SRGAP3: variants seen among roughly 807,000 people sequenced by gnomAD.
SRGAP3 encodes SLIT-ROBO Rho GTPase-activating protein 3.
In SRGAP3, 39 loss-of-function variants were observed where a neutral mutation model predicts 121.1. The observed-to-expected ratio is 0.32, with a 90% confidence interval of 0.25 to 0.42. The LOEUF (loss-of-function observed/expected upper bound fraction) is 0.42, where lower values mean the gene tolerates loss of function less well. Among genes scored for constraint, SRGAP3 ranks in the 10% least tolerant of loss-of-function variants. SRGAP3 has a pLI of 1.00. For missense variants in SRGAP3, 1,213 were observed against 1,470.6 expected (o/e 0.82, Z 2.86); for synonymous variants, 601 against 570.0 (o/e 1.05, Z -0.77).
At chr3:9,079,473 A>G (rs983490388) in intron 4 of SRGAP3, among the ~76,000 whole-genome samples, 1 of 152,230 alleles carries the variant, frequency 6.6e-6, no homozygotes, top group African/African-American at 2.4e-5. Context: ...CAAGCAGGTA[A>G]CAAAGTCAGC....
At chr3:9,200,039 T>C (rs533969380) in intron 1 of SRGAP3, among the ~76,000 whole-genome samples, 13 of 152,338 alleles carry the variant, frequency 8.5e-5, no homozygotes, top group African/African-American at 3.1e-4. Context: ...GAAAATGGCA[T>C]TTAAATGCAA....
chr3:9,091,569 T>C (rs1332747304), intron 3 of SRGAP3, among the ~76,000 whole-genome samples: 2 of 152,138 alleles, frequency 1.3e-5, no homozygotes, highest in Non-Finnish European at 2.9e-5. Context: ...ATTGTGTTTT[T>C]ATTTCCAAAA....
intron 3 of SRGAP3, among the ~76,000 whole-genome samples, chr3:9,273,018 C>T (rs1430370117): frequency 6.6e-6 from 1 of 152,150 alleles, no homozygotes; most frequent in African/African-American, 2.4e-5. Context: ...ACCTTTTTGG[C>T]ACCAGGGACG....
intron 1 of SRGAP3, among the ~76,000 whole-genome samples, chr3:9,161,377 A>G (rs1950593614): frequency 6.6e-6 from 1 of 152,232 alleles, no homozygotes; most frequent in African/African-American, 2.4e-5. Flanking sequence ...ATGCAGGGGC[A>G]GCTCCTGGTT....
Position 9,015,677 on chromosome 3 carries a change from C to T in SRGAP3, c.1733G>A (p.Gly578Asp). Residue 578 changes from glycine to aspartate, a missense_variant, in exon 15 of 22, where the codon GGT (glycine) becomes GAT (aspartate). Physicochemically the swap from Gly to Asp is moderately conservative, Grantham distance 94 (BLOSUM62 -1). Transcript: ENST00000383836. ...TCCTCGGAAATACAGTTTTAAAACACCAGCGACTGAATTGATATCTCGTTC... is the reference window on the plus strand; with the variant it reads ...TCCTCGGAAATACAGTTTTAAAACATCAGCGACTGAATTGATATCTCGTTC... ...QNERDINSVA[G>D]VLKLYFRGLE... 6.2e-7 allele frequency: 1 copy of T among 1,613,702 alleles called. No individual in the cohort carries two copies. Among genetic ancestry groups the T allele is most frequent in the Non-Finnish European group, 8.5e-7 (1 of 1,179,906 alleles).
At position 9,104,601 on chromosome 3, in the gene SRGAP3, C is replaced by T. The variant is rs890022563; in HGVS notation, c.423+79G>A. Reference sequence around the variant, plus strand: ...TGGTCCCTTGTCTCCAAACCACATCCCACCCTGGCTGGTATACTGTTACCA... The same window carrying T: ...TGGTCCCTTGTCTCCAAACCACATCTCACCCTGGCTGGTATACTGTTACCA... On this transcript the variant is annotated intron_variant, in intron 3 of 21. Transcript: ENST00000383836. 5.7e-6 allele frequency: 9 copies of T among 1,585,912 alleles called. No homozygotes were observed. In the African/African-American group the frequency reaches 1.1e-4, roughly 19 times the overall value.
At position 9,206,121 on chromosome 3, in the gene SRGAP3, C is replaced by T. The variant is rs562755958; in HGVS notation, c.67+42764G>A. Among the ~76,000 whole-genome samples, 28 of 152,216 alleles carry T rather than the reference C, an allele frequency of 1.8e-4. No individual in the cohort carries two copies. In the South Asian group the frequency reaches 5.6e-3, roughly 30 times the overall value. On this transcript the variant is annotated intron_variant, in intron 1 of 21. Coordinates refer to ENST00000383836, the MANE Select transcript of SRGAP3 (RefSeq NM_014850.4). Reference sequence around the variant, plus strand: ...ACACTTAAAAATGGTGAAAACTGTACATTTTATCTTCAGTATATTGTAAAT... The same window carrying T: ...ACACTTAAAAATGGTGAAAACTGTATATTTTATCTTCAGTATATTGTAAAT...
intron 1 of SRGAP3, among the ~76,000 whole-genome samples, chr3:9,354,884 C>G (rs1333908365): frequency 6.6e-6 from 1 of 152,086 alleles, no homozygotes; most frequent in African/African-American, 2.4e-5. Context: ...AAATGAGTGG[C>G]TTCAATTTCT....
intron 17 of SRGAP3, 46 bp from the exon 18 acceptor site, chr3:9,010,433 C>T: frequency 6.2e-7 from 1 of 1,609,054 alleles, no homozygotes; most frequent in East Asian, 2.2e-5. Flanking sequence ...GGGTTATCTA[C>T]CCTCACAGCA....
chr3:9,179,742 C>T (rs2125117397), intron 1 of SRGAP3, among the ~76,000 whole-genome samples: 2 of 152,356 alleles, frequency 1.3e-5, no homozygotes, highest in Non-Finnish European at 2.9e-5. Context: ...ACGTCATCTC[C>T]ACAGAGTGTT....
At chr3:9,027,358 C>T (rs1228667819) in intron 12 of SRGAP3, among the ~76,000 whole-genome samples, 2 of 152,120 alleles carry the variant, frequency 1.3e-5, no homozygotes, top group Non-Finnish European at 2.9e-5. Flanking sequence ...CCATTTTGTC[C>T]CAACTCAACA....
chr3:9,058,710 C>G (rs1945964519), intron 6 of SRGAP3: 3 of 448,156 alleles, frequency 6.7e-6, no homozygotes, highest in African/African-American at 2.2e-5. Flanking sequence ...ATCTTTCTCT[C>G]TCTCTTTTTT....
chr3:9,084,574 C>CA (rs573426304), intron 3 of SRGAP3, among the ~76,000 whole-genome samples: 20 of 152,212 alleles, frequency 1.3e-4, no homozygotes, highest in Non-Finnish European at 2.5e-4. Flanking sequence ...ACTTCCACTT[C>CA]TGTAGCTTTA....
rs765422549 is a variant in SRGAP3, at chr3:9,124,832, C to T, written c.153G>A (p.Glu51=). The T allele has an allele frequency of 9.3e-6, 15 of 1,614,246 alleles. No individual in the cohort carries two copies. Among genetic ancestry groups the T allele is most frequent in the Non-Finnish European group, 1.1e-5 (13 of 1,180,048 alleles). The change falls in exon 2 of 22, where the codon GAG becomes GAA. Residue 51 remains glutamate (E), a synonymous_variant. Transcript: ENST00000383836. The part of the protein sequence containing the change: ...SRLQLLQDLQ[E]FFRRKAEIEL... ...CAATCTCAGCTTTCCGGCGGAAAAACTCCTGGAGGTCTTGAAGCAGCTGCA... is the reference window on the plus strand; with the variant it reads ...CAATCTCAGCTTTCCGGCGGAAAAATTCCTGGAGGTCTTGAAGCAGCTGCA...
rs1356759821 is a variant in SRGAP3 at position 9,108,318 on chromosome 3, G to T, written c.261-3476C>A. ...TAGAAGATTCTAATGTGCAGCCAGG[G>T]TTAAGAATGCCTGCTTTAGGCCGGG... On this transcript the variant is annotated intron_variant, in intron 2 of 21. Coordinates refer to ENST00000383836, the MANE Select transcript of SRGAP3 (RefSeq NM_014850.4). Among the ~76,000 whole-genome samples the T allele has an allele frequency of 5.9e-5, 9 of 152,296 alleles. No homozygotes were observed. In the South Asian group the frequency reaches 1.7e-3, roughly 28 times the overall value.
rs148739354 is a variant in SRGAP3 at position 9,015,498 on chromosome 3, T to A, written c.1813+99A>T. On this transcript the variant is annotated intron_variant, in intron 15 of 21. Transcript: ENST00000383836. ...GATGCACGTCACACTTCGCCTTTCA[T>A]AATGTCCCTCCTCTATGCCTAGCAC... The A allele has an allele frequency of 1.2e-3, 1,798 of 1,513,550 alleles. 24 individuals are homozygous for A. The East Asian group carries it at 0.021, about 18-fold the overall frequency. 93.8% of individuals were successfully genotyped at this position (1,513,550 alleles called of 1,614,324 possible). A position where few individuals can be genotyped will look rare whatever the true frequency, so the allele number is the denominator to read the frequency against.
At chr3:9,196,403 C>T (rs1281542384) in intron 1 of SRGAP3, among the ~76,000 whole-genome samples, 1 of 152,194 alleles carries the variant, frequency 6.6e-6, no homozygotes, top group Non-Finnish European at 1.5e-5. Context: ...AGAAGGTCGT[C>T]TTTGGATCAT....
chr3:9,354,638 C>A (rs1020516054), intron 1 of SRGAP3, among the ~76,000 whole-genome samples: 1 of 147,068 alleles, frequency 6.8e-6, no homozygotes, highest in African/African-American at 2.5e-5. Flanking sequence ...GCCGAGATTG[C>A]GCCACTGCAC....
intron 2 of SRGAP3, among the ~76,000 whole-genome samples, chr3:9,327,205 T>C (rs1955534867): frequency 6.6e-6 from 1 of 151,910 alleles, no homozygotes; most frequent in African/African-American, 2.4e-5. Flanking sequence ...TTTACAATTT[T>C]TTTCTCTGAG....
Sources: allele counts gnomAD v4.1 joint callset (sites outside exome capture counted in the v4.1 genomes callset), GRCh38; gene constraint gnomAD v4.1.1; transcripts MANE v1.5; gene names NCBI Gene and HGNC (gene_info 2026-07-23, HGNC 2026-07-21).